CHD8: variants seen among roughly 807,000 people sequenced by gnomAD.
CHD8 encodes chromodomain helicase DNA binding protein 8.
Under a neutral mutation model 279.2 loss-of-function variants are expected in CHD8, and 31 were observed. The observed-to-expected ratio is 0.11, with a 90% CI of 0.08 to 0.15. The LOEUF is 0.15. CHD8 is among the 10% of genes least tolerant of loss of function. CHD8 has a pLI of 1.00. For synonymous variants in CHD8, 1,081 were observed against 1,139.6 expected (o/e 0.95, Z 1.04); for missense variants, 2,146 against 3,230.5 (o/e 0.66, Z 8.14).
chr14:21,423,327 C>T (rs1045392787), intron 5 of CHD8, among the ~76,000 whole-genome samples: 2 of 152,146 alleles, frequency 1.3e-5, no homozygotes, highest in South Asian at 4.2e-4. Context: ...CCACATCATC[C>T]CATAGCAGGA....
chr14:21,416,482 G>A (rs993090404), intron 5 of CHD8: 2 of 152,300 alleles, frequency 1.3e-5, no homozygotes, highest in Non-Finnish European at 1.5e-5. Context: ...AACTGGGAAG[G>A]AGGCTTGGTA....
chr14:21,400,374 A>AG lies in CHD8; in HGVS notation c.4570+38_4570+39insC. On this transcript the variant is annotated intron_variant, in intron 23 of 37. Transcript: ENST00000646647. This position sits in a 1 kb window ranked among gnomAD's most constrained non-coding sequence, Gnocchi z 4.2. ...CCTTGGACCTGAAAAGGATTAGATT[A>AG]ACCTATAGAAAAACATAAAGTAAAG... 1 of 1,599,352 alleles carries AG rather than the reference A, an allele frequency of 6.3e-7. No individual in the cohort carries two copies. Among genetic ancestry groups the AG allele is most frequent in the South Asian group, 1.1e-5 (1 of 88,452 alleles).
At chr14:21,440,427 G>A (rs577128232) in intron 1 of CHD8, among the ~76,000 whole-genome samples, 3 of 152,186 alleles carry the variant, frequency 2.0e-5, no homozygotes, top group South Asian at 2.1e-4. Flanking sequence ...GGCTGGTCTC[G>A]AACTCCTGAC....
intron 1 of CHD8, among the ~76,000 whole-genome samples, chr14:21,446,243 T>C (rs188394717): frequency 4.4e-4 from 67 of 152,134 alleles, no homozygotes; most frequent in Non-Finnish European, 7.6e-4. Context: ...ACAGCTAAAA[T>C]TGCTGAATGT....
chr14:21,388,974 G>C (rs956281477), intron 37 of CHD8, among the ~76,000 whole-genome samples: 2 of 152,086 alleles, frequency 1.3e-5, no homozygotes, highest in Non-Finnish European at 2.9e-5. Context: ...ATGACTCTAT[G>C]TCATTTAAAA....
Position 21,415,537 on chromosome 14 carries a change from AT to A in CHD8, c.1968+36del, listed in dbSNP as rs1888681546. The A allele has an allele frequency of 8.6e-6, 9 of 1,042,468 alleles. No individual in the cohort carries two copies. The African/African-American group carries it at 1.5e-4, about 18-fold the overall frequency. 64.6% of individuals were successfully genotyped at this position (1,042,468 alleles called of 1,614,324 possible). The stretch of plus-strand genomic sequence containing the variant: ...AATAAATAAATAAATAAATAAATAA[AT>A]AAATAAAAATAATAATAATAATAAA... On this transcript the variant is annotated intron_variant, in intron 7 of 37. Transcript: ENST00000646647.
In CHD8 at chr14:21,391,455, C is replaced by T. The variant is rs759780351; in HGVS notation, c.7065+8G>A. On this transcript the variant is annotated splice_region_variant and intron_variant, in intron 36 of 37. Coordinates refer to ENST00000646647, the MANE Select transcript of CHD8 (RefSeq NM_001170629.2). ...CTTTAAATCTTGCTGGATGGGACTG[C>T]CACTCACCGCTAGAAATCGGGGATC... The T allele has an allele frequency of 6.2e-7, 1 of 1,612,696 alleles. No homozygotes were observed. The highest frequency in any genetic ancestry group is 8.5e-7 in the Non-Finnish European group (1 of 1,179,236).
In CHD8 at chr14:21,395,809, T is replaced by A; in HGVS notation, c.5127+8A>T. The A allele has an allele frequency of 6.4e-7, 1 of 1,553,750 alleles. No individual in the cohort carries two copies. Among genetic ancestry groups the A allele is most frequent in the Non-Finnish European group, 8.9e-7 (1 of 1,128,094 alleles). On this transcript the variant is annotated splice_region_variant and intron_variant, in intron 28 of 37. Coordinates refer to ENST00000646647, the MANE Select transcript of CHD8 (RefSeq NM_001170629.2). ...GAGAAAAGTGAGACTCAAATGAGAA[T>A]TCCTTACCTCATCATCTTGGTCCTT... is the stretch of plus-strand genomic sequence containing the variant.
At chr14:21,409,685 G>A (rs1028625236) in intron 11 of CHD8, among the ~76,000 whole-genome samples, 166 bp downstream of exon 11, 4 of 152,154 alleles carry the variant, frequency 2.6e-5, no homozygotes, top group Non-Finnish European at 5.9e-5. Flanking sequence ...GACTGGATAT[G>A]TACTGATAAT....
At chr14:21,406,761 A>C in intron 14 of CHD8, 95 bp downstream of exon 14, 1 of 1,135,138 alleles carries the variant, frequency 8.8e-7, no homozygotes, top group Non-Finnish European at 1.2e-6. Flanking sequence ...CACGATTCAG[A>C]CTTTTCTTCT....
rs751483629 is a variant in CHD8 at position 21,427,841 on chromosome 14, T to A, written c.1601+28A>T. ...ACTCACTTGAGCTTACTCTTGCACG[T>A]CCCATCACAGTAGCAAGGAGTACTC... On this transcript the variant is annotated intron_variant, in intron 4 of 37. Transcript: ENST00000646647. 9.3e-6 allele frequency: 15 copies of A among 1,608,050 alleles called. No individual in the cohort carries two copies. In the African/African-American group the frequency reaches 1.6e-4, roughly 17 times the overall value.
chr14:21,437,066 G>C (rs1329053909), intron 1 of CHD8: 1 of 756,218 alleles, frequency 1.3e-6, no homozygotes, highest in East Asian at 6.7e-5. Flanking sequence ...AGATGCGGGG[G>C]GTGGGGGGTG....
chr14:21,393,347 G>A, intron 32 of CHD8, 93 bp from the exon 33 acceptor site: 1 of 1,543,938 alleles, frequency 6.5e-7, no homozygotes, highest in Non-Finnish European at 8.8e-7. Context: ...AAGGCCCAAA[G>A]AATGGCACTC....
intron 30 of CHD8, 181 bp downstream of exon 30, chr14:21,394,731 A>T: frequency 1.5e-6 from 1 of 665,574 alleles, no homozygotes; most frequent in African/African-American, 1.8e-5. Context: ...CAGGAGACCT[A>T]CCTGAGAGTT....
chr14:21,425,216 AAG>A (rs1317878249), intron 5 of CHD8: 2 of 152,160 alleles, frequency 1.3e-5, no homozygotes, highest in Non-Finnish European at 2.9e-5. Flanking sequence ...GGAGAGTTCT[AAG>A]AGAGAGTCAA....
intron 10 of CHD8, among the ~76,000 whole-genome samples, chr14:21,412,129 A>C (rs1888522575): frequency 6.8e-6 from 1 of 146,396 alleles, no homozygotes; most frequent in African/African-American, 2.5e-5. Flanking sequence ...ACAGATTCAA[A>C]TGTAGATCTG....
intron 1 of CHD8, among the ~76,000 whole-genome samples, chr14:21,441,825 C>G (rs1347002369): frequency 2.0e-5 from 3 of 152,054 alleles, no homozygotes; most frequent in East Asian, 1.9e-4. Context: ...GGAGGCGGAG[C>G]TTGCAGTGAG....
At position 21,414,431 on chromosome 14, in the gene CHD8, G is replaced by GA. The variant is rs1189147298; in HGVS notation, c.2025-14dup. On this transcript the variant is annotated splice_polypyrimidine_tract_variant and intron_variant, in intron 8 of 37. Transcript: ENST00000646647. The stretch of plus-strand genomic sequence containing the variant: ...ATGCAGATAGGAGCTAAGGGGGATG[G>GA]AAAAATCCAGTCATGGTGCAAGTAA... 4.4e-6 allele frequency: 6 copies of GA among 1,351,608 alleles called. No individual in the cohort carries two copies. The highest frequency in any genetic ancestry group is 1.8e-4 in the Middle Eastern group (1 of 5,606). The allele number at this position is 1,351,608 out of a possible 1,614,324, so 83.7% of individuals were successfully genotyped here. A position where few individuals can be genotyped will look rare whatever the true frequency, so the allele number is the denominator to read the frequency against.
rs914597829 is a variant in CHD8, at chr14:21,437,248, T to A, written c.-215-5390A>T. The A allele has an allele frequency of 9.4e-6, 11 of 1,169,124 alleles. No individual in the cohort carries two copies. The Admixed American group carries it at 4.2e-4, about 45-fold the overall frequency. The allele number at this position is 1,169,124 out of a possible 1,614,324, so 72.4% of individuals were successfully genotyped here. ...CCTCTCCCTGTCTCTCCAGCACCAG[T>A]TCCCCCTCCTCCTGCGCAACCTAAC... On this transcript the variant is annotated intron_variant, in intron 1 of 37. Transcript: ENST00000646647.
Sources: allele counts gnomAD v4.1 joint callset (sites outside exome capture counted in the v4.1 genomes callset), GRCh38; gene constraint gnomAD v4.1.1; non-coding constraint Gnocchi (gnomAD v3.1); transcripts MANE v1.5; gene names NCBI Gene and HGNC (gene_info 2026-07-23, HGNC 2026-07-21).